Variants in AGPAT5 observed in about 807,000 individuals in gnomAD.
AGPAT5 encodes the protein 1-acyl-sn-glycerol-3-phosphate acyltransferase epsilon.
A neutral mutation model predicts 45.6 loss-of-function variants in AGPAT5; 46 were observed. The observed-to-expected ratio is 1.01, with a 90% CI of 0.80 to 1.29. AGPAT5 has a LOEUF of 1.29. Ranked by LOEUF, AGPAT5 falls within the 50% of genes most tolerant of loss-of-function variation. AGPAT5 has a pLI of 0.00. For missense variants in AGPAT5, 673 were observed against 450.7 expected, an observed-to-expected ratio of 1.49 and a Z score of -4.47; for synonymous variants, 272 against 167.0, an observed-to-expected ratio of 1.63 and a Z score of -4.85.
chr8:6,709,986 C>G (rs560649045), intron 1 of AGPAT5, among the ~76,000 whole-genome samples: 1 of 152,130 alleles, frequency 6.6e-6, no homozygotes, highest in African/African-American at 2.4e-5. Flanking sequence ...ATAATTCAGG[C>G]TAATTTTTTC....
At chr8:6,729,132 A>G (rs1224265663) in intron 2 of AGPAT5, among the ~76,000 whole-genome samples, 1 of 152,186 alleles carries the variant, frequency 6.6e-6, no homozygotes, top group Non-Finnish European at 1.5e-5. Flanking sequence ...TTAAAAAGAG[A>G]GATGTATAAT....
chr8:6,735,406 T>C (rs1801017657), intron 4 of AGPAT5, among the ~76,000 whole-genome samples: 1 of 152,184 alleles, frequency 6.6e-6, no homozygotes, highest in Non-Finnish European at 1.5e-5. Flanking sequence ...GGTCTGTGGG[T>C]CGAGCCTGTG....
intron 6 of AGPAT5, among the ~76,000 whole-genome samples, chr8:6,751,948 G>A (rs969404822): frequency 7.2e-5 from 11 of 152,150 alleles, no homozygotes; most frequent in African/African-American, 2.4e-5. Context: ...GGATGCTGAG[G>A]CGGGTGGATC....
intron 6 of AGPAT5, among the ~76,000 whole-genome samples, chr8:6,751,262 CTATT>C (rs796710725): frequency 3.5e-4 from 53 of 152,224 alleles, no homozygotes; most frequent in African/African-American, 1.3e-3. Flanking sequence ...ATATAGTAGG[CTATT>C]TAATATTCAT....
At chr8:6,726,920 G>T (rs1015320163) in intron 2 of AGPAT5, among the ~76,000 whole-genome samples, 7 of 152,166 alleles carry the variant, frequency 4.6e-5, no homozygotes, top group South Asian at 2.1e-4. Context: ...TAGAATTACA[G>T]GCTTTAGTCA....
intron 2 of AGPAT5, among the ~76,000 whole-genome samples, chr8:6,730,094 A>G (rs532201730): frequency 2.0e-5 from 3 of 151,844 alleles, no homozygotes; most frequent in East Asian, 1.9e-4. Flanking sequence ...CCCCTTTCTC[A>G]TTAAAAAAAC....
rs375237027 is a variant in AGPAT5 at position 6,708,657 on chromosome 8, C to G, written c.-12C>G. 4.3e-4 allele frequency: 655 copies of G among 1,532,604 alleles called. 2 individuals are homozygous for G. The highest frequency in any genetic ancestry group is 1.4e-3 in the Middle Eastern group (8 of 5,740). The allele number at this position is 1,532,604 out of a possible 1,614,324, so 94.9% of individuals were successfully genotyped here. On this transcript the variant is annotated 5_prime_UTR_variant, in exon 1 of 8. Transcript: ENST00000285518. ...GAGCGCAGGCGGAGCTCGCTGCCGC[C>G]GAGCTGAGAAGATGCTGCTGTCCCT...
intron 6 of AGPAT5, among the ~76,000 whole-genome samples, chr8:6,753,342 G>A (rs572502898): frequency 2.6e-4 from 40 of 152,326 alleles, no homozygotes; most frequent in Non-Finnish European, 4.4e-5. Context: ...GGTATCTGCA[G>A]TGTTGACCAG....
chr8:6,715,016 C>G (rs1800272996), intron 1 of AGPAT5, among the ~76,000 whole-genome samples: 1 of 152,128 alleles, frequency 6.6e-6, no homozygotes, highest in Non-Finnish European at 1.5e-5. Context: ...TAAGTAATGA[C>G]TTTTCAGTAA....
chr8:6,709,224 C>T (rs960789869), intron 1 of AGPAT5: 22 of 375,362 alleles, frequency 5.9e-5, no homozygotes, highest in Non-Finnish European at 1.0e-4. Context: ...GGCCTTTGGT[C>T]CAAAGAGGTG....
At chr8:6,745,161 G>T (rs1309155861) in intron 5 of AGPAT5, 1 of 153,674 alleles carries the variant, frequency 6.5e-6, no homozygotes, top group Admixed American at 6.5e-5. Flanking sequence ...GATTTCTTTG[G>T]AAGAAACTGC....
intron 1 of AGPAT5, among the ~76,000 whole-genome samples, chr8:6,718,857 A>G (rs1255251716): frequency 6.6e-6 from 1 of 152,348 alleles, no homozygotes; most frequent in South Asian, 2.1e-4. Flanking sequence ...CATCAGCAAC[A>G]TATAGGCTTA....
rs1329069645 is a variant in AGPAT5, at chr8:6,761,066, CAT to C, written c.*3682_*3683del. 1.3e-5 allele frequency among the ~76,000 whole-genome samples: 2 copies of C among 152,150 alleles called. No individual in the cohort carries two copies. The highest frequency in any genetic ancestry group is 1.3e-4 in the Admixed American group (2 of 15,270). ...GGGGAGTCATATATGAGGTCAAAGA[CAT>C]ATACCTTGTTATTATAATATGTATA... is the stretch of plus-strand genomic sequence containing the variant. On this transcript the variant is annotated 3_prime_UTR_variant, in exon 8 of 8. Transcript: ENST00000285518.
At chr8:6,756,950 T>C (rs1048767482) in intron 7 of AGPAT5, among the ~76,000 whole-genome samples, 2 of 152,254 alleles carry the variant, frequency 1.3e-5, no homozygotes, top group African/African-American at 4.8e-5. Flanking sequence ...ATATTACATA[T>C]ACAATTCATG....
chr8:6,731,490 T>C (rs1207607505), intron 3 of AGPAT5, among the ~76,000 whole-genome samples: 3 of 152,136 alleles, frequency 2.0e-5, no homozygotes, highest in Admixed American at 6.5e-5. Context: ...TAAATGGTTG[T>C]TATACTTTAT....
chr8:6,754,973 C>T (rs1801783764), intron 6 of AGPAT5, 78 bp from the exon 7 acceptor site: 3 of 1,212,616 alleles, frequency 2.5e-6, no homozygotes, highest in Non-Finnish European at 3.3e-6. Context: ...TGTCCTGTTA[C>T]CTTATTTTCA....
intron 4 of AGPAT5, among the ~76,000 whole-genome samples, chr8:6,733,561 C>G (rs376360530): frequency 1.3e-5 from 2 of 152,150 alleles, no homozygotes; most frequent in Non-Finnish European, 2.9e-5. Context: ...ACCCTTTATC[C>G]TGTTATAGCT....
intron 2 of AGPAT5, among the ~76,000 whole-genome samples, chr8:6,727,502 C>G (rs779102734): frequency 6.6e-6 from 1 of 152,128 alleles, no homozygotes; most frequent in South Asian, 2.1e-4. Flanking sequence ...CTGCCTCAGC[C>G]TCCCGAGTAG....
At chr8:6,711,206 G>A (rs1800146343) in intron 1 of AGPAT5, among the ~76,000 whole-genome samples, 1 of 152,202 alleles carries the variant, frequency 6.6e-6, no homozygotes. Flanking sequence ...AAGCTGAAGA[G>A]AAGTAGTAGT....
Sources: gnomAD v4.1 joint callset for allele counts (sites outside exome capture counted in the v4.1 genomes callset) on GRCh38, gnomAD v4.1.1 for gene constraint, MANE v1.5 for transcripts, NCBI Gene and HGNC (gene_info 2026-07-23, HGNC 2026-07-21) for gene names.